Variants in KIAA0825 observed in about 807,000 individuals in gnomAD.
KIAA0825 encodes uncharacterized protein KIAA0825.
A neutral mutation model predicts 147.6 loss-of-function variants in KIAA0825; 119 were observed. That is an observed-to-expected ratio of 0.81 (90% confidence interval 0.69 to 0.94). The LOEUF is 0.94. Among genes scored for constraint, KIAA0825 ranks in the 40% least tolerant of loss-of-function variants. The probability of loss-of-function intolerance (pLI) is 0.00; values close to 1 mark genes in which losing one functional copy is unlikely to be tolerated. For missense variants in KIAA0825, 1,381 were observed against 1,472.7 expected (o/e 0.94, Z 1.02); for synonymous variants, 470 against 518.1 (o/e 0.91, Z 1.26).
intron 20 of KIAA0825, among the ~76,000 whole-genome samples, chr5:94,278,547 A>G (rs1456412564): frequency 3.3e-5 from 5 of 152,104 alleles, no homozygotes; most frequent in Admixed American, 2.0e-4. Context: ...AAAAAATGAC[A>G]TGGATTGACA....
chr5:94,508,707 T>C (rs2151153241), intron 5 of KIAA0825, among the ~76,000 whole-genome samples: 1 of 152,268 alleles, frequency 6.6e-6, no homozygotes, highest in Admixed American at 6.6e-5. Context: ...AAACTCCAAG[T>C]GAAGCACATT....
At chr5:94,316,942 T>C (rs1283308212) in intron 20 of KIAA0825, among the ~76,000 whole-genome samples, 1 of 151,820 alleles carries the variant, frequency 6.6e-6, no homozygotes, top group Admixed American at 6.6e-5. Flanking sequence ...TTTTTGAAAG[T>C]ACAGGATTTC....
intron 13 of KIAA0825, among the ~76,000 whole-genome samples, chr5:94,449,831 C>A (rs781078735): frequency 1.3e-5 from 2 of 152,144 alleles, no homozygotes; most frequent in Non-Finnish European, 2.9e-5. Context: ...GCAATCCCAG[C>A]ACTTTGGGAG....
At chr5:94,230,726 A>G (rs1191251093) in intron 20 of KIAA0825, among the ~76,000 whole-genome samples, 4 of 152,190 alleles carry the variant, frequency 2.6e-5, no homozygotes, top group Non-Finnish European at 5.9e-5. Flanking sequence ...AAAGGTATGT[A>G]TGGGCTCCTT....
At chr5:94,579,563 A>G (rs1781696548) in intron 2 of KIAA0825, among the ~76,000 whole-genome samples, 3 of 152,248 alleles carry the variant, frequency 2.0e-5, no homozygotes, top group Admixed American at 2.0e-4. Flanking sequence ...GACATTAAAT[A>G]CGTAAGTTAG....
At chr5:94,436,432 G>A (rs1181795716) in intron 14 of KIAA0825, among the ~76,000 whole-genome samples, 1 of 152,088 alleles carries the variant, frequency 6.6e-6, no homozygotes. Context: ...CACAGTTGTA[G>A]GTGTGCGATC....
rs1387963373 is a variant in KIAA0825 at position 94,307,684 on chromosome 5, T to C, written c.3710+76684A>G. 2.0e-5 allele frequency among the ~76,000 whole-genome samples: 3 copies of C among 151,736 alleles called. No homozygotes were observed. In the East Asian group the frequency reaches 5.8e-4, roughly 29 times the overall value. ...GAAGTTTCTTCCTTCAAATTGCAGG[T>C]CAAATTCTACTTCTTCCCAGATAAG... On this transcript the variant is annotated intron_variant, in intron 20 of 20. Transcript: ENST00000682413.
intron 2 of KIAA0825, among the ~76,000 whole-genome samples, chr5:94,573,270 G>GT (rs534638768): frequency 0.53 from 66,224 of 124,868 alleles, 17,779 homozygotes; most frequent in African/African-American, 0.55. Context: ...CTTTTTAAGT[G>GT]TTTTTTTTTT....
chr5:94,288,048 T>C (rs1777731040), intron 20 of KIAA0825, among the ~76,000 whole-genome samples: 1 of 152,144 alleles, frequency 6.6e-6, no homozygotes, highest in Non-Finnish European at 1.5e-5. Context: ...CTATTGCTTC[T>C]GCTCCTTTAT....
intron 20 of KIAA0825, among the ~76,000 whole-genome samples, chr5:94,262,837 G>C (rs202174869): frequency 1.3e-5 from 2 of 152,044 alleles, no homozygotes. Context: ...CTGTGGGGGT[G>C]GGGGGCTGTA....
In KIAA0825 at chr5:94,365,152, TC is replaced by T. The variant is rs76949449; in HGVS notation, c.3710+19215del. ...AAGCCTGTCTGTAAATCCGGTGCAC[TC>T]CATGCATGGATGTGCATGGGCCAGA... On this transcript the variant is annotated intron_variant, in intron 20 of 20. Coordinates refer to ENST00000682413, the MANE Select transcript of KIAA0825 (RefSeq NM_001145678.3). 6.8e-4 allele frequency among the ~76,000 whole-genome samples: 103 copies of T among 152,224 alleles called. No individual in the cohort carries two copies. The East Asian group carries it at 0.017, about 25-fold the overall frequency.
intron 20 of KIAA0825, among the ~76,000 whole-genome samples, chr5:94,194,208 C>T (rs1392935662): frequency 2.0e-5 from 3 of 152,158 alleles, no homozygotes; most frequent in Non-Finnish European, 2.9e-5. Context: ...CTGCTAACCC[C>T]TCATGCTGAA....
Position 94,396,459 on chromosome 5 carries a change from G to T in KIAA0825, c.2938C>A (p.Pro980Thr). The T allele has an allele frequency of 6.5e-7, 1 of 1,534,048 alleles. No individual in the cohort carries two copies. The highest frequency in any genetic ancestry group is 1.2e-5 in the South Asian group (1 of 80,120). The change falls in exon 17 of 21, where the codon CCT becomes ACT. Residue 980 changes from proline to threonine, a missense_variant. Transcript: ENST00000682413. ...GGAGGCAAACATGCAATCACCGTAG[G>T]TAACTTGCTGATTACAATAGATACT... ...QAVSIVISKLPTVIACLPPPV... is the reference protein window; with the variant it reads ...QAVSIVISKLTTVIACLPPPV...
intron 2 of KIAA0825, among the ~76,000 whole-genome samples, chr5:94,579,991 T>C (rs2152352507): frequency 6.6e-6 from 1 of 152,284 alleles, no homozygotes; most frequent in East Asian, 1.9e-4. Context: ...TAAAAGAATA[T>C]TATTTATCAA....
intron 20 of KIAA0825, among the ~76,000 whole-genome samples, chr5:94,296,219 C>T (rs1841300): frequency 0.21 from 31,390 of 151,964 alleles, 3,676 homozygotes; most frequent in Middle Eastern, 0.26. Flanking sequence ...GGGAAAACTG[C>T]CTACTCAAAC....
intron 20 of KIAA0825, among the ~76,000 whole-genome samples, chr5:94,350,816 A>G (rs560866013): frequency 6.6e-6 from 1 of 152,252 alleles, no homozygotes; most frequent in African/African-American, 2.4e-5. Flanking sequence ...CCCACAGCCA[A>G]CATAATACTG....
At chr5:94,483,770 A>G (rs1023136783) in intron 6 of KIAA0825, among the ~76,000 whole-genome samples, 1 of 151,854 alleles carries the variant, frequency 6.6e-6, no homozygotes, top group African/African-American at 2.4e-5. Context: ...ATCCAACCCT[A>G]TAACTTTTGT....
chr5:94,346,353 T>C (rs1363852279), intron 20 of KIAA0825, among the ~76,000 whole-genome samples: 1 of 152,170 alleles, frequency 6.6e-6, no homozygotes. Context: ...TATTAAGTAC[T>C]ATATATTAAA....
intron 1 of KIAA0825, among the ~76,000 whole-genome samples, chr5:94,585,617 A>G (rs1214389468): frequency 6.6e-6 from 1 of 152,168 alleles, no homozygotes; most frequent in Non-Finnish European, 1.5e-5. Flanking sequence ...TGCTGTCAAT[A>G]TTAGACAGAT....
Sources: allele counts gnomAD v4.1 joint callset (sites outside exome capture counted in the v4.1 genomes callset), GRCh38; gene constraint gnomAD v4.1.1; transcripts MANE v1.5; gene names NCBI Gene and HGNC (gene_info 2026-07-23, HGNC 2026-07-21).